PRDM1: variants seen among roughly 807,000 people sequenced by gnomAD.
The protein encoded by PRDM1 is PR domain zinc finger protein 1.
Under a neutral mutation model 62.8 loss-of-function variants are expected in PRDM1, and 13 were observed. That is an observed-to-expected ratio of 0.21 (90% CI 0.13 to 0.33). The LOEUF (loss-of-function observed/expected upper bound fraction) is 0.33, where lower values mean the gene tolerates loss of function less well. Among genes scored for constraint, PRDM1 ranks in the 10% least tolerant of loss-of-function variants. The pLI, the probability that PRDM1 is intolerant of heterozygous loss-of-function variation, is 1.00. For missense variants in PRDM1, 895 were observed against 1,058.8 expected (o/e 0.85, Z 2.15); for synonymous variants, 396 against 417.6 (o/e 0.95, Z 0.63).
At chr6:106,059,334 C>T (rs1354658619) in intron 1 of PRDM1, among the ~76,000 whole-genome samples, 1 of 152,056 alleles carries the variant, frequency 6.6e-6, no homozygotes, top group Non-Finnish European at 1.5e-5. Flanking sequence ...TGAGTAGAGA[C>T]TAATGAAATG....
intron 1 of PRDM1, among the ~76,000 whole-genome samples, chr6:106,075,557 C>T (rs1207460571): frequency 6.6e-6 from 1 of 152,214 alleles, no homozygotes; most frequent in Non-Finnish European, 1.5e-5. Flanking sequence ...CCCTGGCCCT[C>T]AGGGGCTATT....
intron 1 of PRDM1, among the ~76,000 whole-genome samples, chr6:106,014,899 G>T (rs1452742945): frequency 6.6e-6 from 1 of 152,132 alleles, no homozygotes; most frequent in Non-Finnish European, 1.5e-5. Context: ...GCTTTGTCTT[G>T]CTTGTCTTTC....
intron 1 of PRDM1, among the ~76,000 whole-genome samples, chr6:106,001,809 G>T (rs2114542832): frequency 6.6e-6 from 1 of 152,164 alleles, no homozygotes; most frequent in Non-Finnish European, 1.5e-5. Context: ...TTGGTGTTTT[G>T]CTCTCCTGTA....
intron 1 of PRDM1, among the ~76,000 whole-genome samples, chr6:106,069,944 T>C (rs1424721103): frequency 6.6e-6 from 1 of 152,184 alleles, no homozygotes; most frequent in Non-Finnish European, 1.5e-5. Flanking sequence ...AAGGAGAAAA[T>C]TGGGAAATAG....
intron 1 of PRDM1, among the ~76,000 whole-genome samples, chr6:106,008,350 C>T (rs137986846): frequency 2.2e-4 from 34 of 152,174 alleles, no homozygotes; most frequent in Non-Finnish European, 3.2e-4. Flanking sequence ...TCCAGCCTGG[C>T]GACAGAGTGA....
chr6:106,090,239 A>C (rs1274011422), intron 2 of PRDM1, among the ~76,000 whole-genome samples: 3 of 152,108 alleles, frequency 2.0e-5, no homozygotes, highest in African/African-American at 7.2e-5. Context: ...ACCAATCCTT[A>C]AGCTATTTTG....
Position 106,105,078 on chromosome 6 carries a change from A to C in PRDM1, c.918A>C (p.Pro306=). Residue 306 remains proline (P), a synonymous_variant, in exon 5 of 7, where the codon CCA becomes CCC. Coordinates refer to ENST00000369096, the MANE Select transcript of PRDM1 (RefSeq NM_001198.4). Reference sequence around the variant, plus strand: ...TTTACCCCATCCGGGCCCCTCTGCCAGAAGACTTTTTGAAAGCTTCCCTGG... The same window carrying C: ...TTTACCCCATCCGGGCCCCTCTGCCCGAAGACTTTTTGAAAGCTTCCCTGG... ...RVVYPIRAPL[P]EDFLKASLAY... 6.2e-7 allele frequency: 1 copy of C among 1,614,114 alleles called. No individual in the cohort carries two copies. Among genetic ancestry groups the C allele is most frequent in the Non-Finnish European group, 8.5e-7 (1 of 1,180,012 alleles).
upstream of PRDM1, among the ~76,000 whole-genome samples, chr6:106,082,702 C>T (rs1294890694): frequency 1.3e-5 from 2 of 152,084 alleles, no homozygotes; most frequent in Non-Finnish European, 2.9e-5. Context: ...ATTTTTGTTT[C>T]CCTTATGTAG....
chr6:105,998,776 A>G (rs1382515265), intron 1 of PRDM1, among the ~76,000 whole-genome samples: 1 of 151,620 alleles, frequency 6.6e-6, no homozygotes, highest in Non-Finnish European at 1.5e-5. Context: ...AAAGAAAACT[A>G]TTTTTACCAT....
intron 1 of PRDM1, among the ~76,000 whole-genome samples, chr6:106,033,231 C>T (rs1349483332): frequency 6.6e-6 from 1 of 151,952 alleles, no homozygotes; most frequent in Non-Finnish European, 1.5e-5. Flanking sequence ...TCTGTAACTC[C>T]TGGGCCCAAG....
upstream of PRDM1, among the ~76,000 whole-genome samples, chr6:106,083,343 T>C (rs564295541): frequency 1.1e-3 from 172 of 152,194 alleles, no homozygotes; most frequent in African/African-American, 4.0e-3. Flanking sequence ...GAAAACATGT[T>C]TCATCTTGGG....
upstream of PRDM1, among the ~76,000 whole-genome samples, chr6:105,992,880 CGT>C (rs936276610): frequency 3.3e-5 from 5 of 152,166 alleles, no homozygotes; most frequent in Non-Finnish European, 4.4e-5. Flanking sequence ...GCTTTCTAGG[CGT>C]GTGTCTCCAG....
At chr6:106,035,221 G>T (rs978370628) in intron 1 of PRDM1, among the ~76,000 whole-genome samples, 1 of 152,054 alleles carries the variant, frequency 6.6e-6, no homozygotes, top group South Asian at 2.1e-4. Context: ...TATTATGATG[G>T]TCTGTTACTA....
chr6:106,014,354 C>T (rs1269884944), intron 1 of PRDM1, among the ~76,000 whole-genome samples: 3 of 151,798 alleles, frequency 2.0e-5, no homozygotes, highest in Non-Finnish European at 4.4e-5. Context: ...GCCACTGCTG[C>T]CTGCCTCAGG....
At chr6:106,013,746 A>T (rs2114552592) in intron 1 of PRDM1, among the ~76,000 whole-genome samples, 1 of 152,308 alleles carries the variant, frequency 6.6e-6, no homozygotes, top group African/African-American at 2.4e-5. Context: ...TCCGCTGCTG[A>T]AGTGGCTGCT....
chr6:106,043,802 G>A (rs1380380664), upstream of PRDM1, among the ~76,000 whole-genome samples: 4 of 152,158 alleles, frequency 2.6e-5, no homozygotes, highest in Non-Finnish European at 4.4e-5. Flanking sequence ...CCAAAGTACT[G>A]GGATTACAGG....
At chr6:106,060,949 A>T (rs1773335694) in intron 1 of PRDM1, among the ~76,000 whole-genome samples, 2 of 152,160 alleles carry the variant, frequency 1.3e-5, no homozygotes, top group Admixed American at 1.3e-4. Flanking sequence ...GGATGATGGC[A>T]ACAAGCAGAG....
chr6:106,047,495 G>T (rs957658274), upstream of PRDM1, among the ~76,000 whole-genome samples: 1 of 152,102 alleles, frequency 6.6e-6, no homozygotes, highest in African/African-American at 2.4e-5. Flanking sequence ...CATTGTGTAT[G>T]GTTTAGCTAA....
intron 1 of PRDM1, among the ~76,000 whole-genome samples, chr6:106,068,401 C>T (rs1034770733): frequency 3.3e-5 from 5 of 152,116 alleles, no homozygotes; most frequent in Admixed American, 1.3e-4. Context: ...CCACCCTGTT[C>T]TCCTCAGAGT....
Sources: gnomAD v4.1 joint callset for allele counts (sites outside exome capture counted in the v4.1 genomes callset) on GRCh38, gnomAD v4.1.1 for gene constraint, MANE v1.5 for transcripts, NCBI Gene and HGNC (gene_info 2026-07-23, HGNC 2026-07-21) for gene names.